Variants in EVC observed in about 807,000 individuals in gnomAD.
EVC encodes the protein evC complex member EVC.
A neutral mutation model predicts 118.9 loss-of-function variants in EVC; 116 were observed. The ratio of observed to expected loss-of-function variants is 0.98; its 90% CI spans 0.84 to 1.14. EVC has a LOEUF of 1.14. EVC is among the 50% of genes most tolerant of loss of function. The pLI is 0.00. For synonymous variants in EVC, 619 were observed against 534.7 expected (o/e 1.16, Z -2.18); for missense variants, 1,401 against 1,246.4 (o/e 1.12, Z -1.87).
chr4:5,823,914 CTG>C, the EVC span, among the ~76,000 whole-genome samples: 1 of 152,162 alleles, frequency 6.6e-6, no homozygotes, highest in Non-Finnish European at 1.5e-5. Flanking sequence ...AAAAGGGCAT[CTG>C]TGAGGTTGTT....
At chr4:5,828,447 C>A in the EVC span, 2 of 1,599,076 alleles carry the variant, frequency 1.3e-6, no homozygotes, top group African/African-American at 2.7e-5. Context: ...GCTGTCGGCT[C>A]TGGTCCCACG....
intron 14 of EVC, among the ~76,000 whole-genome samples, chr4:5,797,699 T>C (rs1426523964): frequency 6.6e-6 from 1 of 152,188 alleles, no homozygotes; most frequent in Non-Finnish European, 1.5e-5. Flanking sequence ...CATACAAATT[T>C]TGAGAGGACA....
chr4:5,712,152 A>G (rs1723141591), intron 1 of EVC, among the ~76,000 whole-genome samples: 1 of 152,226 alleles, frequency 6.6e-6, no homozygotes, highest in South Asian at 2.1e-4. Flanking sequence ...ACTATCGGTT[A>G]TGACACCGCA....
At chr4:5,720,157 G>A (rs945665326) in intron 2 of EVC, among the ~76,000 whole-genome samples, 1 of 152,032 alleles carries the variant, frequency 6.6e-6, no homozygotes, top group Non-Finnish European at 1.5e-5. Flanking sequence ...TTGTCCCCTA[G>A]GAAGTACTGC....
In EVC at chr4:5,773,844, C is replaced by T. The variant is rs181005910; in HGVS notation, c.1564-9708C>T. On this transcript the variant is annotated intron_variant, in intron 11 of 20. Transcript: ENST00000264956. ...CCCACTTGTCAGGGGAACTGGAGCA[C>T]ACTTTACTCTGAAGTCATTAAATGT... Among the ~76,000 whole-genome samples the T allele has an allele frequency of 2.9e-3, 435 of 152,222 alleles. 3 individuals are homozygous for T. The highest frequency in any genetic ancestry group is 0.01 in the African/African-American group (415 of 41,490).
chr4:5,828,344 G>A, the EVC span: 29 of 1,431,486 alleles, frequency 2.0e-5, no homozygotes, highest in African/African-American at 5.7e-5. Context: ...CCAGGCCAGC[G>A]TCTCAACCCA....
rs1560450397 is a variant in EVC at position 5,810,943 on chromosome 4, CTGTTT to C, written c.2895-8_2895-4del. ...CGTTCTAACTGGCTGCCTTTCTTCTCTGTTTTAAGCAGCAAAAGGCTGAGTCAGCA... is the reference window on the plus strand; with the variant it reads ...CGTTCTAACTGGCTGCCTTTCTTCTCTAAGCAGCAAAAGGCTGAGTCAGCA... On this transcript the variant is annotated splice_polypyrimidine_tract_variant and splice_region_variant and intron_variant, in intron 20 of 20. Transcript: ENST00000264956. The C allele has an allele frequency of 1.2e-6, 2 of 1,610,050 alleles. No homozygotes were observed. The highest frequency in any genetic ancestry group is 1.7e-6 in the Non-Finnish European group (2 of 1,177,954).
chr4:5,719,428 C>T lies in EVC; in HGVS notation c.300+55C>T, dbSNP rs1399077757. 16 of 1,612,492 alleles carry T rather than the reference C, an allele frequency of 9.9e-6. No homozygotes were observed. The East Asian group carries it at 2.7e-4, about 27-fold the overall frequency. Reference sequence around the variant, plus strand: ...AGGCACATGTGGGAGGTGGGGTATTCCCCCTGGAAGCCGGGTGTCATGTAG... The same window carrying T: ...AGGCACATGTGGGAGGTGGGGTATTTCCCCTGGAAGCCGGGTGTCATGTAG... On this transcript the variant is annotated intron_variant, in intron 2 of 20. Transcript: ENST00000264956. This position sits in a 1 kb window ranked among gnomAD's most constrained non-coding sequence, Gnocchi z 4.7.
intron 1 of EVC, among the ~76,000 whole-genome samples, chr4:5,716,667 C>G (rs538670809): frequency 8.7e-4 from 132 of 152,330 alleles, no homozygotes; most frequent in South Asian, 1.7e-3. Flanking sequence ...CATCTCCTGA[C>G]TCTAACTTCC....
chr4:5,788,726 C>A (rs1042789507), intron 12 of EVC, among the ~76,000 whole-genome samples: 1 of 152,190 alleles, frequency 6.6e-6, no homozygotes, highest in Non-Finnish European at 1.5e-5. Context: ...GCACCCTGGT[C>A]AAAACCACTC....
intron 19 of EVC, 127 bp from the exon 20 acceptor site, chr4:5,810,197 CTGCAATAGCATAAGA>C: frequency 4.1e-6 from 3 of 725,420 alleles, no homozygotes; most frequent in Non-Finnish European, 7.5e-6. Flanking sequence ...AGTTGAGTGG[CTGCAATAGCATAAGA>C]TACCAAGCAT....
At position 5,737,635 on chromosome 4, in the gene EVC, C is replaced by T. The variant is rs756106588; in HGVS notation, c.703-4081C>T. ...TAAGGGTGATGCTAAATCTACTCTGCCTGTGCTCTATAAGTGGAACAACAA... is the reference window on the plus strand; with the variant it reads ...TAAGGGTGATGCTAAATCTACTCTGTCTGTGCTCTATAAGTGGAACAACAA... On this transcript the variant is annotated intron_variant, in intron 5 of 20. Transcript: ENST00000264956. The surrounding 1 kb of genome is among the most constrained non-coding windows in gnomAD (Gnocchi z 5.0). 6.6e-6 allele frequency among the ~76,000 whole-genome samples: 1 copy of T among 152,194 alleles called. No individual in the cohort carries two copies. The highest frequency in any genetic ancestry group is 1.5e-5 in the Non-Finnish European group (1 of 68,030).
At chr4:5,744,887 A>G (rs1160948677) in intron 6 of EVC, among the ~76,000 whole-genome samples, 3 of 151,872 alleles carry the variant, frequency 2.0e-5, no homozygotes, top group Non-Finnish European at 4.4e-5. Flanking sequence ...TTCCTTCCCA[A>G]CCCACTGGAT....
chr4:5,821,880 TG>T, the EVC span: 1 of 1,527,816 alleles, frequency 6.5e-7, no homozygotes. This position sits in a 1 kb window ranked among gnomAD's most constrained non-coding sequence, Gnocchi z 4.4. Flanking sequence ...CGCTGCTGGA[TG>T]GGATCTGTTA....
intron 11 of EVC, among the ~76,000 whole-genome samples, chr4:5,770,702 G>C (rs1733808428): frequency 6.6e-6 from 1 of 152,148 alleles, no homozygotes. Context: ...ACACAAATCA[G>C]TCAATCAGTT....
rs556413519 is a variant in EVC at position 5,780,473 on chromosome 4, T to C, written c.1564-3079T>C. Among the ~76,000 whole-genome samples, 9 of 152,194 alleles carry C rather than the reference T, an allele frequency of 5.9e-5. No individual in the cohort carries two copies. The East Asian group carries it at 1.7e-3, about 29-fold the overall frequency. The stretch of plus-strand genomic sequence containing the variant: ...AGTTTCCTCATTTGTAAAATGATAA[T>C]AATTATAATAGAATGCCTTGATTGA... On this transcript the variant is annotated intron_variant, in intron 11 of 20. Transcript: ENST00000264956.
In EVC at chr4:5,749,981, A is replaced by G. The variant is rs1427802688; in HGVS notation, c.1098+1675A>G. On this transcript the variant is annotated intron_variant, in intron 8 of 20. Transcript: ENST00000264956. This position sits in a 1 kb window ranked among gnomAD's most constrained non-coding sequence, Gnocchi z 4.4. Reference sequence around the variant, plus strand: ...CCTTCCCAAGCAGGATCTGCACTTTAACAAGACCCCCACATCCACACAGTT... The same window carrying G: ...CCTTCCCAAGCAGGATCTGCACTTTGACAAGACCCCCACATCCACACAGTT... Among the ~76,000 whole-genome samples the G allele has an allele frequency of 1.3e-5, 2 of 152,124 alleles. No homozygotes were observed. The highest frequency in any genetic ancestry group is 2.9e-5 in the Non-Finnish European group (2 of 68,014).
the EVC span, among the ~76,000 whole-genome samples, chr4:5,829,035 T>TTCTC: frequency 1.3e-5 from 2 of 150,186 alleles, no homozygotes; most frequent in African/African-American, 5.0e-5. Flanking sequence ...TAAAATTTTT[T>TTCTC]TCTCTAGGTT....
chr4:5,744,334 C>T (rs1367076321), intron 6 of EVC, among the ~76,000 whole-genome samples: 1 of 152,172 alleles, frequency 6.6e-6, no homozygotes, highest in East Asian at 1.9e-4. Flanking sequence ...CTTGGGTCTT[C>T]AATAGTAGTT....
Sources: gnomAD v4.1 joint callset for allele counts (sites outside exome capture counted in the v4.1 genomes callset) on GRCh38, gnomAD v4.1.1 for gene constraint, Gnocchi (gnomAD v3.1) non-coding constraint, MANE v1.5 for transcripts, NCBI Gene and HGNC (gene_info 2026-07-23, HGNC 2026-07-21) for gene names.